EYA2: variants seen among roughly 807,000 people sequenced by gnomAD.
EYA2 encodes the protein protein phosphatase EYA2.
Under a neutral mutation model 69.2 loss-of-function variants are expected in EYA2, and 31 were observed. That is an observed-to-expected ratio of 0.45 (90% CI 0.34 to 0.60). The LOEUF (loss-of-function observed/expected upper bound fraction) is 0.60, where lower values mean the gene tolerates loss of function less well. EYA2 is among the 20% of genes least tolerant of loss of function. The pLI is 0.02. For missense variants in EYA2, 622 were observed against 701.2 expected, an observed-to-expected ratio of 0.89 and a Z score of 1.28; for synonymous variants, 257 against 279.4, an observed-to-expected ratio of 0.92 and a Z score of 0.80.
chr20:47,050,399 AT>A (rs1281133267), intron 5 of EYA2, among the ~76,000 whole-genome samples: 2 of 152,224 alleles, frequency 1.3e-5, no homozygotes, highest in African/African-American at 4.8e-5. Flanking sequence ...GTAACAGTGA[AT>A]AACCTCCAAA....
intron 1 of EYA2, among the ~76,000 whole-genome samples, chr20:46,911,876 A>G (rs1429035254): frequency 6.8e-6 from 1 of 147,442 alleles, no homozygotes; most frequent in African/African-American, 2.4e-5. Context: ...TCAAAAGCAC[A>G]GTAGGGTGAC....
At chr20:47,056,959 C>T (rs1053653715) in intron 5 of EYA2, among the ~76,000 whole-genome samples, 3 of 151,556 alleles carry the variant, frequency 2.0e-5, no homozygotes, top group Admixed American at 6.6e-5. Flanking sequence ...GTGGGAGGAT[C>T]GCCTGAGCCC....
intron 1 of EYA2, among the ~76,000 whole-genome samples, chr20:46,952,923 C>T (rs1456899301): frequency 3.9e-5 from 6 of 152,194 alleles, no homozygotes; most frequent in African/African-American, 1.4e-4. Flanking sequence ...GGAGTCGTTG[C>T]ACATCTAAAC....
intron 1 of EYA2, among the ~76,000 whole-genome samples, chr20:46,987,359 G>A (rs185986342): frequency 7.2e-5 from 11 of 152,250 alleles, no homozygotes; most frequent in South Asian, 2.1e-4. Flanking sequence ...TGTGAAAGCC[G>A]TTCCAGACTT....
chr20:47,012,141 T>C (rs1018987287), intron 4 of EYA2, among the ~76,000 whole-genome samples: 1 of 152,340 alleles, frequency 6.6e-6, no homozygotes, highest in South Asian at 2.1e-4. Flanking sequence ...AATGAATGCT[T>C]ATTGGCTGTC....
At chr20:47,104,176 C>G (rs2032509932) in intron 9 of EYA2, among the ~76,000 whole-genome samples, 1 of 152,134 alleles carries the variant, frequency 6.6e-6, no homozygotes, top group Non-Finnish European at 1.5e-5. Context: ...ATTGGCATTT[C>G]CCTAATAATG....
chr20:47,028,929 T>A (rs1438541828), intron 5 of EYA2, among the ~76,000 whole-genome samples: 3 of 150,306 alleles, frequency 2.0e-5, no homozygotes, highest in Non-Finnish European at 4.4e-5. Context: ...TATTCAAAAT[T>A]TAAATTAAAA....
chr20:46,924,391 C>A (rs559493788), intron 1 of EYA2, among the ~76,000 whole-genome samples: 1 of 152,208 alleles, frequency 6.6e-6, no homozygotes, highest in East Asian at 1.9e-4. Flanking sequence ...CAAGTGTAGG[C>A]CGGGCACGCT....
chr20:46,899,596 C>T lies in EYA2; in HGVS notation c.-11+4609C>T, dbSNP rs1454248987. On this transcript the variant is annotated intron_variant, in intron 1 of 15. Coordinates refer to ENST00000327619, the MANE Select transcript of EYA2 (RefSeq NM_005244.5). Reference sequence around the variant, plus strand: ...TCAAGTTTACCGGAAGGTGCTGGATCGCTATGGGTGGGTGTTGTTTCGGGT... The same window carrying T: ...TCAAGTTTACCGGAAGGTGCTGGATTGCTATGGGTGGGTGTTGTTTCGGGT... Among the ~76,000 whole-genome samples, 4 of 152,260 alleles carry T rather than the reference C, an allele frequency of 2.6e-5. No individual in the cohort carries two copies. In the East Asian group the frequency reaches 5.8e-4, roughly 22 times the overall value.
chr20:47,111,458 G>A (rs2032745108), intron 9 of EYA2, among the ~76,000 whole-genome samples: 1 of 152,224 alleles, frequency 6.6e-6, no homozygotes, highest in African/African-American at 2.4e-5. Flanking sequence ...AGATCAGCTG[G>A]TAGAGAATGG....
chr20:47,078,321 GCGCGCGCGCGCACACA>G (rs2031590214), intron 7 of EYA2, among the ~76,000 whole-genome samples: 1 of 84,046 alleles, frequency 1.2e-5, no homozygotes, highest in South Asian at 3.8e-4. Context: ...GTGCACGTGC[GCGCGCGCGCGCACACA>G]CACACACACA....
At chr20:47,083,314 C>G (rs1025245169) in intron 7 of EYA2, among the ~76,000 whole-genome samples, 2 of 152,164 alleles carry the variant, frequency 1.3e-5, no homozygotes, top group South Asian at 4.2e-4. Flanking sequence ...CAGTGGCTCA[C>G]GCCTGTAATC....
intron 9 of EYA2, among the ~76,000 whole-genome samples, chr20:47,116,966 G>A (rs1029029478): frequency 4.6e-5 from 7 of 150,638 alleles, no homozygotes; most frequent in Non-Finnish European, 8.8e-5. Flanking sequence ...CTCAGACCCC[G>A]CTGTAGACTC....
intron 9 of EYA2, among the ~76,000 whole-genome samples, chr20:47,116,838 T>TC (rs2032907919): frequency 6.6e-6 from 1 of 152,202 alleles, no homozygotes; most frequent in Non-Finnish European, 1.5e-5. Flanking sequence ...ATGCTGGGAC[T>TC]CCATGATTGC....
At chr20:46,918,318 C>T (rs1479939044) in intron 1 of EYA2, among the ~76,000 whole-genome samples, 2 of 150,150 alleles carry the variant, frequency 1.3e-5, no homozygotes, top group Non-Finnish European at 3.0e-5. Context: ...AAGACTCCGT[C>T]TCAAAAAACA....
chr20:47,081,806 AAAG>A (rs1189718789), intron 7 of EYA2, among the ~76,000 whole-genome samples: 2 of 150,416 alleles, frequency 1.3e-5, no homozygotes, highest in African/African-American at 2.5e-5. Context: ...AGAAAGAAAA[AAAG>A]AGAGAGAGAG....
chr20:47,158,294 T>A (rs774744110), intron 10 of EYA2, among the ~76,000 whole-genome samples: 14 of 151,952 alleles, frequency 9.2e-5, no homozygotes, highest in Non-Finnish European at 1.8e-4. Context: ...GTGGGTGGGA[T>A]TACCTGAGGT....
chr20:47,102,526 A>G (rs1049252697), intron 9 of EYA2, among the ~76,000 whole-genome samples: 2 of 152,212 alleles, frequency 1.3e-5, no homozygotes, highest in African/African-American at 4.8e-5. Context: ...CAGGAAGCCA[A>G]AATCATTAAT....
In EYA2 at chr20:47,025,842, C is replaced by T. The variant is rs1003700137; in HGVS notation, c.415+9545C>T. Among the ~76,000 whole-genome samples, 15 of 152,308 alleles carry T rather than the reference C, an allele frequency of 9.8e-5. 1 individual carries two copies. Among genetic ancestry groups the T allele is most frequent in the African/African-American group, 3.1e-4 (13 of 41,564 alleles). On this transcript the variant is annotated intron_variant, in intron 5 of 15. Transcript: ENST00000327619. ...AACTCATCGACCCAGTGTCATCTTACGGTTGAAGTTTTTGCCAATCTGATG... is the reference window on the plus strand; with the variant it reads ...AACTCATCGACCCAGTGTCATCTTATGGTTGAAGTTTTTGCCAATCTGATG...
Sources: allele counts gnomAD v4.1 joint callset (sites outside exome capture counted in the v4.1 genomes callset), GRCh38; gene constraint gnomAD v4.1.1; transcripts MANE v1.5; gene names NCBI Gene and HGNC (gene_info 2026-07-23, HGNC 2026-07-21).